HTR3C: variants seen among roughly 807,000 people sequenced by gnomAD.
The protein encoded by HTR3C is 5-hydroxytryptamine receptor 3C.
In HTR3C, 32 loss-of-function variants were observed where a neutral mutation model predicts 40.5. That is an observed-to-expected ratio of 0.79 (90% CI 0.60 to 1.06). The LOEUF is 1.06. Ranked by LOEUF, HTR3C falls within the 50% of genes least tolerant of loss-of-function variation. The probability of loss-of-function intolerance (pLI) is 0.00; values close to 1 mark genes in which losing one functional copy is unlikely to be tolerated. For missense variants in HTR3C, 523 were observed against 556.8 expected, an observed-to-expected ratio of 0.94 and a Z score of 0.61; for synonymous variants, 209 against 217.1, an observed-to-expected ratio of 0.96 and a Z score of 0.33.
chr3:184,059,640 A>G lies in HTR3C; in HGVS notation c.925A>G (p.Ser309Gly). ...LLPASGTPLI[S>G]VYFALCLSLM... ...CCCTGCCAGTGGCACCCCCCTCATC[A>G]GTATGGCTCCTCCCACTTTCAGGAG... The change falls in exon 7 of 9, where the codon AGT becomes GGT. Residue 309 changes from serine to glycine, a missense_variant and splice_region_variant. Coordinates refer to ENST00000318351, the MANE Select transcript of HTR3C (RefSeq NM_130770.3). 6 of 1,614,098 alleles carry G rather than the reference A, an allele frequency of 3.7e-6. No individual in the cohort carries two copies. The highest frequency in any genetic ancestry group is 5.1e-6 in the Non-Finnish European group (6 of 1,179,982).
At position 184,055,271 on chromosome 3, in the gene HTR3C, C is replaced by T. The variant is rs773091422; in HGVS notation, c.235-41C>T. The T allele has an allele frequency of 8.2e-6, 12 of 1,471,956 alleles. No individual in the cohort carries two copies. The South Asian group carries it at 1.1e-4, about 14-fold the overall frequency. 91.2% of individuals were successfully genotyped at this position (1,471,956 alleles called of 1,614,324 possible). A position where few individuals can be genotyped will look rare whatever the true frequency, so the allele number is the denominator to read the frequency against. On this transcript the variant is annotated intron_variant, in intron 2 of 8. Transcript: ENST00000318351. ...AATATGAGGTGGGCATTGGCCAAAC[C>T]TTTTAACACTAATAATCCTGAGTGG...
At chr3:184,059,294 G>A (rs1298504675) in intron 6 of HTR3C, 142 bp from the exon 7 acceptor site, 5 of 690,402 alleles carry the variant, frequency 7.2e-6, no homozygotes, top group East Asian at 2.7e-5. Context: ...CTATGTAGGC[G>A]AGCACAATTA....
chr3:184,056,347 C>A, intron 4 of HTR3C, 61 bp downstream of exon 4: 1 of 1,113,032 alleles, frequency 9.0e-7, no homozygotes, highest in South Asian at 1.2e-5. Context: ...AGCCTAGGGT[C>A]AGCACAGGGC....
At position 184,060,291 on chromosome 3, in the gene HTR3C, G is replaced by A. The variant is rs374888245; in HGVS notation, c.1283G>A (p.Arg428His). 91 of 1,614,108 alleles carry A rather than the reference G, an allele frequency of 5.6e-5. No individual in the cohort carries two copies. The Middle Eastern group carries it at 3.0e-3, about 53-fold the overall frequency. The change falls in exon 9 of 9, where the codon CGC (arginine) becomes CAC (histidine). Residue 428 changes from arginine (R) to histidine (H), a missense_variant. Transcript: ENST00000318351. ...FSHAMDTLLF[R>H]LYLLFMASSI... ...CACGCGATGGACACCCTGCTCTTCC[G>A]CCTCTACCTGCTCTTCATGGCCTCC...
chr3:184,058,614 T>G (rs753082051), intron 6 of HTR3C, 27 bp downstream of exon 6: 1 of 1,598,262 alleles, frequency 6.3e-7, no homozygotes, highest in South Asian at 1.1e-5. Context: ...CTGTTTGACT[T>G]CTGATCCCAG....
intron 1 of HTR3C, among the ~76,000 whole-genome samples, chr3:184,054,345 A>G (rs1723280856): frequency 6.6e-6 from 1 of 152,166 alleles, no homozygotes; most frequent in Non-Finnish European, 1.5e-5. Flanking sequence ...ATCGATTTTT[A>G]GGTGACTTGG....
At chr3:184,055,022 T>A in intron 2 of HTR3C, 135 bp downstream of exon 2, 1 of 879,564 alleles carries the variant, frequency 1.1e-6, no homozygotes, top group Non-Finnish European at 1.7e-6. Context: ...AGTTAGATGC[T>A]TTTCCTATGC....
Position 184,060,173 on chromosome 3 carries a change from G to A in HTR3C, c.1165G>A (p.Ala389Thr), listed in dbSNP as rs917946848. The A allele has an allele frequency of 6.2e-7, 1 of 1,614,004 alleles. No individual in the cohort carries two copies. The highest frequency in any genetic ancestry group is 1.3e-5 in the African/African-American group (1 of 74,914). The change falls in exon 9 of 9, where the codon GCA (alanine) becomes ACA (threonine). Residue 389 changes from alanine to threonine, a missense_variant. Transcript: ENST00000318351. ...AGGCCCAAAGGAGCCGGGGGAGTTA[G>A]CAGGGAAGAAGCTGGGACCCAGAGA... is the stretch of plus-strand genomic sequence containing the variant. ...LPGPKEPGEL[A>T]GKKLGPRETE... is the part of the protein sequence containing the mutation.
At chr3:184,056,135 G>T (rs775551475) in intron 3 of HTR3C, 42 bp from the exon 4 acceptor site, 1 of 1,302,468 alleles carries the variant, frequency 7.7e-7, no homozygotes, top group Non-Finnish European at 1.1e-6. Flanking sequence ...GACAGGACAA[G>T]CTCACCGTCA....
At chr3:184,058,634 G>A (rs1723380597) in intron 6 of HTR3C, 47 bp downstream of exon 6, 3 of 1,585,696 alleles carry the variant, frequency 1.9e-6, no homozygotes, top group African/African-American at 1.4e-5. Context: ...GCAGCTCTTT[G>A]ATTGTCCTCT....
intron 5 of HTR3C, among the ~76,000 whole-genome samples, chr3:184,057,323 C>G (rs555119981): frequency 6.6e-6 from 1 of 152,214 alleles, no homozygotes; most frequent in Non-Finnish European, 1.5e-5. Flanking sequence ...AGAATTAGCC[C>G]CAGCTACTTG....
rs1314638698 is a variant in HTR3C, at chr3:184,058,371, C to T, written c.560-56C>T. On this transcript the variant is annotated intron_variant, in intron 5 of 8. Transcript: ENST00000318351. ...GCTCAGTGGGGGAGGACTCCAATTT[C>T]GTGGGCGGGAGGCTTGGGAAAACGT... 5.4e-6 allele frequency: 8 copies of T among 1,493,436 alleles called. No homozygotes were observed. In the Admixed American group the frequency reaches 1.0e-4, roughly 19 times the overall value. 92.5% of individuals were successfully genotyped at this position (1,493,436 alleles called of 1,614,324 possible).
At chr3:184,059,180 T>G (rs1456137641) in intron 6 of HTR3C, among the ~76,000 whole-genome samples, 1 of 152,118 alleles carries the variant, frequency 6.6e-6, no homozygotes, top group Admixed American at 6.6e-5. Context: ...TCACCCCTAC[T>G]GCTCAGAATG....
At chr3:184,056,820 G>T in intron 4 of HTR3C, 55 bp from the exon 5 acceptor site, 1 of 1,486,946 alleles carries the variant, frequency 6.7e-7, no homozygotes, top group Non-Finnish European at 9.1e-7. Flanking sequence ...ACCCCAGAAG[G>T]AAGGGAGACA....
At chr3:184,055,381 C>A in intron 3 of HTR3C, 25 bp downstream of exon 3, 1 of 1,535,624 alleles carries the variant, frequency 6.5e-7, no homozygotes, top group Non-Finnish European at 9.0e-7. Context: ...ACTATCTCCT[C>A]CCCACTTCAT....
At chr3:184,054,472 G>A (rs868140552) in intron 1 of HTR3C, among the ~76,000 whole-genome samples, 35 of 152,118 alleles carry the variant, frequency 2.3e-4, no homozygotes, top group Non-Finnish European at 1.0e-4. Flanking sequence ...ATACAGATTT[G>A]GGCAAACTTT....
intron 1 of HTR3C, 60 bp downstream of exon 1, chr3:184,053,207 C>A: frequency 8.3e-7 from 1 of 1,205,404 alleles, no homozygotes; most frequent in Non-Finnish European, 1.2e-6. Context: ...CCTGGACTCA[C>A]CTCTAGCACT....
At chr3:184,055,449 C>T (rs1361910898) in intron 3 of HTR3C, 93 bp downstream of exon 3, 10 of 956,162 alleles carry the variant, frequency 1.0e-5, no homozygotes, top group Non-Finnish European at 1.7e-5. Context: ...AGCAGTGGCT[C>T]ACGCCTGTAA....
intron 5 of HTR3C, 89 bp from the exon 6 acceptor site, chr3:184,058,338 G>A: frequency 1.5e-6 from 2 of 1,354,186 alleles, no homozygotes; most frequent in South Asian, 1.8e-5. Flanking sequence ...GGAAAATTTG[G>A]TTTAGAAGCT....
Sources: allele counts gnomAD v4.1 joint callset (sites outside exome capture counted in the v4.1 genomes callset), GRCh38; gene constraint gnomAD v4.1.1; transcripts MANE v1.5; gene names NCBI Gene and HGNC (gene_info 2026-07-23, HGNC 2026-07-21).